The following CSMD1 variants were observed in gnomAD, a reference collection of about 807,000 sequenced individuals.
CSMD1 encodes CUB and sushi domain-containing protein 1.
CSMD1 carries 213 observed loss-of-function variants against 417.5 expected under a neutral mutation model. The observed-to-expected ratio is 0.51, with a 90% CI of 0.46 to 0.57. CSMD1 has a LOEUF of 0.57. Among genes scored for constraint, CSMD1 ranks in the 20% least tolerant of loss-of-function variants. The probability of loss-of-function intolerance (pLI) is 0.00; values close to 1 mark genes in which losing one functional copy is unlikely to be tolerated. For missense variants in CSMD1, 6,923 were observed against 4,529.7 expected (o/e 1.53, Z -15.17); for synonymous variants, 2,862 against 1,736.8 (o/e 1.65, Z -16.11).
At chr8:4,318,139 T>A (rs1048758185) in intron 3 of CSMD1, among the ~76,000 whole-genome samples, 2 of 152,146 alleles carry the variant, frequency 1.3e-5, no homozygotes, top group Non-Finnish European at 2.9e-5. Context: ...TACATTGTTA[T>A]TTATGAAATA....
chr8:4,932,969 T>G (rs1025396824), intron 1 of CSMD1, among the ~76,000 whole-genome samples: 1 of 152,192 alleles, frequency 6.6e-6, no homozygotes, highest in African/African-American at 2.4e-5. Flanking sequence ...AATGCAGGAA[T>G]TGAAGATGGG....
chr8:4,101,003 G>C (rs551867804), intron 3 of CSMD1, among the ~76,000 whole-genome samples: 2 of 152,244 alleles, frequency 1.3e-5, no homozygotes, highest in East Asian at 1.9e-4. Context: ...CGTAGTCCTA[G>C]AAATTCCCAA....
chr8:4,144,624 T>C (rs909493372), intron 3 of CSMD1, among the ~76,000 whole-genome samples: 2 of 151,034 alleles, frequency 1.3e-5, no homozygotes, highest in African/African-American at 5.0e-5. Context: ...TTGTTCTTGT[T>C]TGTCTGGAGC....
intron 1 of CSMD1, among the ~76,000 whole-genome samples, chr8:4,776,159 A>G (rs1796843165): frequency 6.6e-6 from 1 of 152,146 alleles, no homozygotes; most frequent in Non-Finnish European, 1.5e-5. Context: ...AGAAGAGATG[A>G]GGCGACCCAC....
intron 3 of CSMD1, among the ~76,000 whole-genome samples, chr8:4,416,298 A>G (rs1796934381): frequency 6.6e-6 from 1 of 152,162 alleles, no homozygotes; most frequent in South Asian, 2.1e-4. Context: ...TTAACTTCCG[A>G]AAAACCTTGT....
intron 23 of CSMD1, among the ~76,000 whole-genome samples, chr8:3,311,056 G>C (rs1190638744): frequency 6.6e-6 from 1 of 151,870 alleles, no homozygotes; most frequent in Admixed American, 6.6e-5. Context: ...CCCATTAAGA[G>C]TGGGAAATAC....
chr8:4,731,328 C>G (rs945174381), intron 1 of CSMD1, among the ~76,000 whole-genome samples: 1 of 152,138 alleles, frequency 6.6e-6, no homozygotes, highest in African/African-American at 2.4e-5. Flanking sequence ...TTTGCTCCCA[C>G]CTCATAAGCT....
intron 3 of CSMD1, among the ~76,000 whole-genome samples, chr8:4,223,854 T>C (rs1023385541): frequency 1.3e-5 from 2 of 152,184 alleles, no homozygotes; most frequent in Non-Finnish European, 2.9e-5. Context: ...ATAATGAACA[T>C]GTAAAGGTCC....
chr8:3,926,527 A>G (rs866610553), intron 5 of CSMD1, among the ~76,000 whole-genome samples: 1 of 151,862 alleles, frequency 6.6e-6, no homozygotes. Flanking sequence ...TCACTTACAA[A>G]AAGCAAATAA....
chr8:3,156,389 G>C (rs1308121830), intron 39 of CSMD1, among the ~76,000 whole-genome samples: 6 of 152,184 alleles, frequency 3.9e-5, no homozygotes, highest in African/African-American at 9.6e-5. Context: ...TGAAATTCTT[G>C]AGTGTCTACC....
Position 3,831,839 on chromosome 8 carries a change from T to A in CSMD1, c.819-77797A>T, listed in dbSNP as rs146140528. Among the ~76,000 whole-genome samples the A allele has an allele frequency of 3.9e-3, 592 of 152,356 alleles. 5 individuals are homozygous for A. The highest frequency in any genetic ancestry group is 0.014 in the African/African-American group (567 of 41,580). On this transcript the variant is annotated intron_variant, in intron 5 of 69. Transcript: ENST00000635120. ...CCATCATAATCTGGAAAGCTACTGCTATCCTTGTTCATATAACATAGCATC... is the reference window on the plus strand; with the variant it reads ...CCATCATAATCTGGAAAGCTACTGCAATCCTTGTTCATATAACATAGCATC...
chr8:4,674,170 G>A (rs557692935), intron 1 of CSMD1, among the ~76,000 whole-genome samples: 51 of 152,194 alleles, frequency 3.4e-4, no homozygotes, highest in African/African-American at 1.0e-3. Context: ...TGGGAAAATC[G>A]ATCTAATGGT....
intron 12 of CSMD1, among the ~76,000 whole-genome samples, chr8:3,436,231 A>G (rs1361993136): frequency 6.6e-6 from 1 of 152,248 alleles, no homozygotes; most frequent in African/African-American, 2.4e-5. Flanking sequence ...CTATTGAAAA[A>G]GAAAATTAAA....
At chr8:3,841,875 T>C (rs1803160004) in intron 5 of CSMD1, among the ~76,000 whole-genome samples, 1 of 151,608 alleles carries the variant, frequency 6.6e-6, no homozygotes, top group Non-Finnish European at 1.5e-5. Flanking sequence ...GGCCCTTGGG[T>C]TGGCCACACT....
intron 3 of CSMD1, among the ~76,000 whole-genome samples, chr8:4,278,313 G>T (rs909934626): frequency 6.6e-6 from 1 of 152,216 alleles, no homozygotes; most frequent in African/African-American, 2.4e-5. Context: ...CAGCGGTAGT[G>T]CTGGTAATCT....
chr8:3,867,080 T>A (rs578084093), intron 5 of CSMD1, among the ~76,000 whole-genome samples: 23 of 152,352 alleles, frequency 1.5e-4, no homozygotes, highest in Admixed American at 3.9e-4. Context: ...ACCAGTTTTT[T>A]AAAAATATTG....
At chr8:3,160,533 T>G (rs2129039644) in intron 38 of CSMD1, among the ~76,000 whole-genome samples, 1 of 152,332 alleles carries the variant, frequency 6.6e-6, no homozygotes, top group East Asian at 1.9e-4. Flanking sequence ...TATCCCAACT[T>G]TCAGGAGTCC....
At chr8:3,672,644 G>A (rs1361815586) in intron 7 of CSMD1, among the ~76,000 whole-genome samples, 6 of 152,194 alleles carry the variant, frequency 3.9e-5, no homozygotes, top group Admixed American at 1.3e-4. Context: ...TCCGGTCAGA[G>A]TATGACATGG....
At chr8:3,399,623 T>C (rs569245419) in intron 15 of CSMD1, 94 bp from the exon 16 acceptor site, 11 of 904,402 alleles carry the variant, frequency 1.2e-5, no homozygotes, top group Non-Finnish European at 1.7e-5. Flanking sequence ...GCTTCTGTGT[T>C]CATAGACTGA....
Sources: gnomAD v4.1 joint callset for allele counts (sites outside exome capture counted in the v4.1 genomes callset) on GRCh38, gnomAD v4.1.1 for gene constraint, MANE v1.5 for transcripts, NCBI Gene and HGNC (gene_info 2026-07-23, HGNC 2026-07-21) for gene names.